The following UGT2B11 variants were observed in gnomAD, a reference collection of about 807,000 sequenced individuals.
UGT2B11 encodes UDP glucuronosyltransferase family 2 member B11, also known as UDP-glucuronosyltransferase 2B11.
UGT2B11 carries 49 observed loss-of-function variants against 51.7 expected under a neutral mutation model. The ratio of observed to expected loss-of-function variants is 0.95; its 90% CI spans 0.75 to 1.20. UGT2B11 has a LOEUF of 1.20. Ranked by LOEUF, UGT2B11 falls within the 50% of genes most tolerant of loss-of-function variation. The probability of loss-of-function intolerance (pLI) is 0.00; values close to 1 mark genes in which losing one functional copy is unlikely to be tolerated. For missense variants in UGT2B11, 810 were observed against 622.1 expected, an observed-to-expected ratio of 1.30 and a Z score of -3.21; for synonymous variants, 273 against 209.0, an observed-to-expected ratio of 1.31 and a Z score of -2.64.
At chr4:69,214,779 C>A (rs1215081714), upstream of UGT2B11, 7 of 1,565,794 alleles carry the variant, frequency 4.5e-6, no homozygotes, top group South Asian at 1.2e-5. Context: ...TACTTATATA[C>A]AGAGATAAAT....
At chr4:69,206,674 C>CA (rs923334727) in intron 3 of UGT2B11, among the ~76,000 whole-genome samples, 2 of 151,022 alleles carry the variant, frequency 1.3e-5, no homozygotes, top group East Asian at 2.0e-4. Flanking sequence ...AAAAATATTA[C>CA]AAAAAAAGTG....
intron 3 of UGT2B11, 97 bp from the exon 4 acceptor site, chr4:69,205,664 T>G (rs551418787): frequency 1.5e-6 from 2 of 1,329,098 alleles, no homozygotes; most frequent in East Asian, 4.8e-5. Context: ...TCAAGGGATG[T>G]TAGTAAATAA....
At position 69,205,334 on chromosome 4, in the gene UGT2B11, A is replaced by G. The variant is rs1721808938; in HGVS notation, c.1090+146T>C. 7 of 1,068,952 alleles carry G rather than the reference A, an allele frequency of 6.5e-6. No individual in the cohort carries two copies. In the South Asian group the frequency reaches 1.1e-4, roughly 17 times the overall value. 66.2% of individuals were successfully genotyped at this position (1,068,952 alleles called of 1,614,324 possible). A position where few individuals can be genotyped will look rare whatever the true frequency, so the allele number is the denominator to read the frequency against. ...TATATCATAAAATGCCAACAATTCT[A>G]CCATATTCTTTTCCCCTAGGACTGG... On this transcript the variant is annotated intron_variant, in intron 4 of 5. Coordinates refer to ENST00000446444, the MANE Select transcript of UGT2B11 (RefSeq NM_001073.3).
At chr4:69,219,212 T>C (rs1056979331), upstream of UGT2B11, among the ~76,000 whole-genome samples, 5 of 152,148 alleles carry the variant, frequency 3.3e-5, no homozygotes, top group Admixed American at 3.3e-4. Flanking sequence ...ATCTAGTTGA[T>C]CATCTTGAGC....
At chr4:69,206,966 A>T (rs1376758873) in intron 3 of UGT2B11, among the ~76,000 whole-genome samples, 14 of 151,638 alleles carry the variant, frequency 9.2e-5, no homozygotes, top group Non-Finnish European at 2.1e-4. Flanking sequence ...TTTTATGTAT[A>T]ACTTCATTGG....
upstream of UGT2B11, chr4:69,216,887 T>C (rs1031191090): frequency 6.6e-6 from 1 of 152,090 alleles, no homozygotes; most frequent in Non-Finnish European, 1.5e-5. Context: ...CAGCATTGTG[T>C]CAACAATGAG....
chr4:69,217,692 A>T (rs555910128), upstream of UGT2B11, among the ~76,000 whole-genome samples: 1 of 152,216 alleles, frequency 6.6e-6, no homozygotes, highest in South Asian at 2.1e-4. Flanking sequence ...CTGAAGGGCT[A>T]ACTTAGCTTC....
the UGT2B11 span, among the ~76,000 whole-genome samples, chr4:69,220,005 C>T: frequency 6.6e-6 from 1 of 152,178 alleles, no homozygotes; most frequent in South Asian, 2.1e-4. Context: ...TCCTTTTTGC[C>T]TATGAGCCTA....
Position 69,204,470 on chromosome 4 carries a change from C to G in UGT2B11, c.1270G>C (p.Asp424His), listed in dbSNP as rs1721773774. Residue 424 changes from aspartate (D) to histidine (H), a missense_variant, in exon 5 of 6, where the codon GAC (aspartate) becomes CAC (histidine). Transcript: ENST00000446444. ...RLDFNTMSST[D>H]LLNALKTVIN... is the part of the protein sequence containing the mutation. ...ACTGTCTTCAGTGCATTCAGCAGGT[C>G]TGTACTCGACATTGTGTTGAAGTCC... The G allele has an allele frequency of 3.7e-6, 6 of 1,612,054 alleles. No homozygotes were observed. Among genetic ancestry groups the G allele is most frequent in the Non-Finnish European group, 5.1e-6 (6 of 1,178,680 alleles).
chr4:69,223,240 T>A, the UGT2B11 span, among the ~76,000 whole-genome samples: 1 of 152,300 alleles, frequency 6.6e-6, no homozygotes, highest in East Asian at 1.9e-4. Flanking sequence ...GTTGAATTTG[T>A]CTCAGTTATT....
chr4:69,206,567 C>A (rs1329048519), intron 3 of UGT2B11, among the ~76,000 whole-genome samples: 1 of 151,212 alleles, frequency 6.6e-6, no homozygotes, highest in Admixed American at 6.6e-5. Context: ...GTACAACAAA[C>A]CCCCATGACA....
At chr4:69,217,558 C>T (rs1722305430), upstream of UGT2B11, among the ~76,000 whole-genome samples, 1 of 152,036 alleles carries the variant, frequency 6.6e-6, no homozygotes, top group African/African-American at 2.4e-5. Flanking sequence ...AGCTCTCTGT[C>T]TCAGAACAGC....
intron 3 of UGT2B11, among the ~76,000 whole-genome samples, chr4:69,206,999 T>C (rs1157899287): frequency 6.6e-6 from 1 of 151,670 alleles, no homozygotes; most frequent in Non-Finnish European, 1.5e-5. Flanking sequence ...TCAAGCACTA[T>C]TTCCCAGAAA....
the UGT2B11 span, among the ~76,000 whole-genome samples, chr4:69,220,476 T>C: frequency 7.9e-5 from 12 of 151,782 alleles, no homozygotes; most frequent in African/African-American, 1.9e-4. Context: ...GGGCTCACAC[T>C]ACACATTTTG....
At chr4:69,208,274 T>C (rs1721931201) in intron 3 of UGT2B11, 77 bp downstream of exon 3, 1 of 1,590,562 alleles carries the variant, frequency 6.3e-7, no homozygotes, top group Non-Finnish European at 8.5e-7. Context: ...CTACTCTTAA[T>C]ATTCTTTCTA....
chr4:69,224,925 A>G, the UGT2B11 span, among the ~76,000 whole-genome samples: 2 of 152,078 alleles, frequency 1.3e-5, no homozygotes, highest in African/African-American at 4.8e-5. Context: ...AAACAAAGAC[A>G]ATTAACATGT....
intron 2 of UGT2B11, 152 bp downstream of exon 2, chr4:69,212,421 C>T (rs764555969): frequency 1.6e-5 from 21 of 1,345,968 alleles, no homozygotes; most frequent in Admixed American, 2.7e-5. Flanking sequence ...ACGGTATTAA[C>T]ATATACATGA....
At position 69,204,488 on chromosome 4, in the gene UGT2B11, T is replaced by G. The variant is rs546179431; in HGVS notation, c.1252A>C (p.Asn418His). The G allele has an allele frequency of 7.8e-5, 125 of 1,612,230 alleles. 1 individual carries two copies. In the African/African-American group the frequency reaches 8.6e-4, roughly 11 times the overall value. The change falls in exon 5 of 6, where the codon AAC (asparagine) becomes CAC (histidine). Residue 418 changes from asparagine (N) to histidine (H), a missense_variant. Physicochemically the swap from Asn to His is moderately conservative, Grantham distance 68. Transcript: ENST00000446444. The stretch of plus-strand genomic sequence containing the variant: ...AGCAGGTCTGTACTCGACATTGTGT[T>G]GAAGTCCAATCTAACAGCTGCTCCC... ...AKGAAVRLDF[N>H]TMSSTDLLNA...
chr4:69,217,030 T>G (rs1323201948), upstream of UGT2B11, among the ~76,000 whole-genome samples: 1 of 152,168 alleles, frequency 6.6e-6, no homozygotes, highest in South Asian at 2.1e-4. Flanking sequence ...ACCATAGAAA[T>G]TCATTTTCTT....
Sources: gnomAD v4.1 joint callset for allele counts (sites outside exome capture counted in the v4.1 genomes callset) on GRCh38, gnomAD v4.1.1 for gene constraint, MANE v1.5 for transcripts, NCBI Gene and HGNC (gene_info 2026-07-23, HGNC 2026-07-21) for gene names.